The following SPTB variants were observed in gnomAD, a reference collection of about 807,000 sequenced individuals.
The protein encoded by SPTB is spectrin beta chain, erythrocytic.
A neutral mutation model predicts 256.2 loss-of-function variants in SPTB; 45 were observed. That is an observed-to-expected ratio of 0.18 (90% CI 0.14 to 0.23). The LOEUF (loss-of-function observed/expected upper bound fraction) is 0.23, where lower values mean the gene tolerates loss of function less well. Ranked by LOEUF, SPTB falls within the 10% of genes least tolerant of loss-of-function variation. The pLI, the probability that SPTB is intolerant of heterozygous loss-of-function variation, is 1.00. For synonymous variants in SPTB, 1,231 were observed against 1,243.1 expected (o/e 0.99, Z 0.21); for missense variants, 2,715 against 3,040.4 (o/e 0.89, Z 2.52).
intron 32 of SPTB, chr14:64,756,309 C>T (rs958398088): frequency 6.6e-6 from 1 of 152,378 alleles, no homozygotes; most frequent in Non-Finnish European, 1.5e-5. Context: ...GTAGCTCACG[C>T]CTGTAATCCC....
chr14:64,851,650 G>A (rs572923549), intron 1 of SPTB, among the ~76,000 whole-genome samples: 1 of 152,302 alleles, frequency 6.6e-6, no homozygotes, highest in East Asian at 1.9e-4. Flanking sequence ...TAAAGAAAAT[G>A]TGGTACATAT....
At position 64,863,457 on chromosome 14, in the gene SPTB, C is replaced by T. The variant is rs573148615; in HGVS notation, c.-52+16335G>A. ...ACCCTGGAGCATTCTGCAGCCAGCC[C>T]CACAATGGCACCTACCTGGCTCCAC... On this transcript the variant is annotated intron_variant, in intron 1 of 35. Transcript: ENST00000644917. 6.6e-5 allele frequency among the ~76,000 whole-genome samples: 10 copies of T among 152,312 alleles called. No homozygotes were observed. The East Asian group carries it at 1.9e-3, about 29-fold the overall frequency.
rs757518832 is a variant in SPTB at position 64,764,074 on chromosome 14, C to T, written c.6345+2652G>A. On this transcript the variant is annotated intron_variant, in intron 32 of 35. Coordinates refer to ENST00000644917, the MANE Select transcript of SPTB (RefSeq NM_001355436.2). This position sits in a 1 kb window ranked among gnomAD's most constrained non-coding sequence, Gnocchi z 4.2. The stretch of plus-strand genomic sequence containing the variant: ...CGCATGGATCTATTCTGTAGGGCAC[C>T]GACACCAGACCACACACAGAGGACC... Among the ~76,000 whole-genome samples the T allele has an allele frequency of 7.2e-5, 11 of 152,212 alleles. No individual in the cohort carries two copies. Among genetic ancestry groups the T allele is most frequent in the East Asian group, 3.8e-4 (2 of 5,200 alleles).
Position 64,777,898 on chromosome 14 carries a change from C to T in SPTB, c.4563+1259G>A, listed in dbSNP as rs113307528. Among the ~76,000 whole-genome samples, 77 of 152,166 alleles carry T rather than the reference C, an allele frequency of 5.1e-4. 1 individual carries two copies. Among genetic ancestry groups the T allele is most frequent in the African/African-American group, 1.7e-3 (72 of 41,504 alleles). ...ATCCGTATTTGTCTTGCCCTTTTCCCGAAATAGCAACTGCCAGCCAGGGGA... is the reference window on the plus strand; with the variant it reads ...ATCCGTATTTGTCTTGCCCTTTTCCTGAAATAGCAACTGCCAGCCAGGGGA... On this transcript the variant is annotated intron_variant, in intron 22 of 35. Coordinates refer to ENST00000644917, the MANE Select transcript of SPTB (RefSeq NM_001355436.2). The surrounding 1 kb of genome is among the most constrained non-coding windows in gnomAD (Gnocchi z 4.5).
At chr14:64,784,206 C>T in intron 19 of SPTB, 41 bp downstream of exon 19, 1 of 1,613,380 alleles carries the variant, frequency 6.2e-7, no homozygotes, top group Non-Finnish European at 8.5e-7. Flanking sequence ...GCAAGCCTAT[C>T]TGAGCAGAGC....
intron 2 of SPTB, among the ~76,000 whole-genome samples, chr14:64,811,228 C>T (rs1015512848): frequency 3.9e-5 from 6 of 152,120 alleles, no homozygotes; most frequent in Non-Finnish European, 8.8e-5. Context: ...AAAGCACCTA[C>T]ATATTAACAA....
Position 64,778,884 on chromosome 14 carries a change from C to T in SPTB, c.4563+273G>A, listed in dbSNP as rs1346875057. ...ACCTCCAGGCCAGGCCCCCGAGATC[C>T]TGCATTCACCTGTGCCTGATGGAGG... On this transcript the variant is annotated intron_variant, in intron 22 of 35. Transcript: ENST00000644917. The surrounding 1 kb of genome is among the most constrained non-coding windows in gnomAD (Gnocchi z 5.2). Among the ~76,000 whole-genome samples the T allele has an allele frequency of 6.6e-6, 1 of 152,158 alleles. No homozygotes were observed. Among genetic ancestry groups the T allele is most frequent in the African/African-American group, 2.4e-5 (1 of 41,432 alleles).
In SPTB at chr14:64,779,509, C is replaced by A. The variant is rs3819932; in HGVS notation, c.4473+216G>T. 0.34 allele frequency among the ~76,000 whole-genome samples: 52,070 copies of A among 152,126 alleles called. 11,292 individuals carry two copies. Among genetic ancestry groups the A allele is most frequent in the African/African-American group, 0.61 (25,468 of 41,462 alleles). On this transcript the variant is annotated intron_variant, in intron 21 of 35. Coordinates refer to ENST00000644917, the MANE Select transcript of SPTB (RefSeq NM_001355436.2). This position sits in a 1 kb window ranked among gnomAD's most constrained non-coding sequence, Gnocchi z 4.2. ...AGTCTGTCTGACCCAAGTCCATGCT[C>A]TTCACCGAGCAATACTAGCAAGTGA...
rs941671534 is a variant in SPTB, at chr14:64,789,424, T to C, written c.2805-2264A>G. On this transcript the variant is annotated intron_variant, in intron 15 of 35. Transcript: ENST00000644917. ...GCTTTCATTCAAGTGGATAGAGACA[T>C]AAACAAGTCTATAATCCATCAAGTG... Among the ~76,000 whole-genome samples, 4 of 152,136 alleles carry C rather than the reference T, an allele frequency of 2.6e-5. No homozygotes were observed. In the East Asian group the frequency reaches 7.7e-4, roughly 29 times the overall value.
chr14:64,785,518 C>T lies in SPTB; in HGVS notation c.3855+19G>A, dbSNP rs1240795070. 6.2e-7 allele frequency: 1 copy of T among 1,604,540 alleles called. No homozygotes were observed. Among genetic ancestry groups the T allele is most frequent in the Non-Finnish European group, 8.5e-7 (1 of 1,175,266 alleles). ...AAAGGAATCTCCAGGAAAGCAGCCA[C>T]TCCTTGCTGGAGCCTCACCTCCTGG... On this transcript the variant is annotated intron_variant, in intron 18 of 35. Coordinates refer to ENST00000644917, the MANE Select transcript of SPTB (RefSeq NM_001355436.2). The surrounding 1 kb of genome is among the most constrained non-coding windows in gnomAD (Gnocchi z 4.4).
intron 32 of SPTB, among the ~76,000 whole-genome samples, chr14:64,765,859 A>ATGTGTG (rs72331445): frequency 8.4e-6 from 1 of 119,456 alleles, no homozygotes; most frequent in Non-Finnish European, 1.8e-5. Context: ...GTGCACATGT[A>ATGTGTG]TGTGTGTGTG....
At chr14:64,769,438 C>G (rs889774483) in intron 28 of SPTB, 152 bp downstream of exon 28, 3 of 1,095,212 alleles carry the variant, frequency 2.7e-6, no homozygotes, top group African/African-American at 1.6e-5. Flanking sequence ...CTCCAATCCC[C>G]GGGCCTGTGT....
chr14:64,757,540 G>C (rs570617128), intron 32 of SPTB: 1 of 152,366 alleles, frequency 6.6e-6, no homozygotes, highest in Non-Finnish European at 1.5e-5. Context: ...CTCCTGTAGA[G>C]ACAATTTAAA....
chr14:64,814,842 A>G (rs764918068), intron 2 of SPTB, among the ~76,000 whole-genome samples: 2 of 152,222 alleles, frequency 1.3e-5, no homozygotes, highest in Non-Finnish European at 2.9e-5. Context: ...ATCTTTATAT[A>G]TTATTGCAAA....
chr14:64,817,481 C>T (rs2083212507), intron 2 of SPTB, among the ~76,000 whole-genome samples: 1 of 152,214 alleles, frequency 6.6e-6, no homozygotes, highest in Non-Finnish European at 1.5e-5. Context: ...TTAATGACAC[C>T]ACCATCTTTG....
At position 64,792,885 on chromosome 14, in the gene SPTB, C is replaced by A; in HGVS notation, c.2666+112G>T. 6.8e-7 allele frequency: 1 copy of A among 1,470,538 alleles called. No homozygotes were observed. Among genetic ancestry groups the A allele is most frequent in the Non-Finnish European group, 9.4e-7 (1 of 1,066,624 alleles). 91.1% of individuals were successfully genotyped at this position (1,470,538 alleles called of 1,614,324 possible). On this transcript the variant is annotated intron_variant, in intron 14 of 35. Transcript: ENST00000644917. This position sits in a 1 kb window ranked among gnomAD's most constrained non-coding sequence, Gnocchi z 4.2. Reference sequence around the variant, plus strand: ...CAGGACTTTGCAACAAAGGACATCCCAGGGCCTCTCAAAGAGACCTTTGCT... The same window carrying A: ...CAGGACTTTGCAACAAAGGACATCCAAGGGCCTCTCAAAGAGACCTTTGCT...
chr14:64,774,514 G>A lies in SPTB; in HGVS notation c.4856C>T (p.Ala1619Val), dbSNP rs1322921068. Residue 1619 changes from alanine (A) to valine (V), a missense_variant, in exon 24 of 36, where the codon GCC (alanine) becomes GTC (valine). Transcript: ENST00000644917. ...CAAATGTCGCTTCAGCATCACAATG[G>A]CGCCCTCTTCATCCTAGGAGGCAGC... ...SDEIPKDEEG[A>V]IVMLKRHLRQ... 3.2e-6 allele frequency: 5 copies of A among 1,553,584 alleles called. No individual in the cohort carries two copies. In the African/African-American group the frequency reaches 4.1e-5, roughly 13 times the overall value.
intron 1 of SPTB, among the ~76,000 whole-genome samples, chr14:64,879,043 C>T (rs1882973767): frequency 6.6e-6 from 1 of 152,196 alleles, no homozygotes; most frequent in South Asian, 2.1e-4. Context: ...TTATTTCTCC[C>T]ACTTTCTGCT....
At chr14:64,834,600 A>G (rs528109373) in intron 1 of SPTB, among the ~76,000 whole-genome samples, 145 of 152,008 alleles carry the variant, frequency 9.5e-4, no homozygotes, top group Non-Finnish European at 1.3e-3. Flanking sequence ...TAATTTTTGT[A>G]TGTTTTGTAG....
Sources: gnomAD v4.1 joint callset for allele counts (sites outside exome capture counted in the v4.1 genomes callset) on GRCh38, gnomAD v4.1.1 for gene constraint, Gnocchi (gnomAD v3.1) non-coding constraint, MANE v1.5 for transcripts, NCBI Gene and HGNC (gene_info 2026-07-23, HGNC 2026-07-21) for gene names.